MX2: variants seen among roughly 807,000 people sequenced by gnomAD.
MX2 encodes the protein MX dynamin like GTPase 2.
Under a neutral mutation model 74.0 loss-of-function variants are expected in MX2, and 51 were observed. The observed-to-expected ratio is 0.69, with a 90% CI of 0.55 to 0.87. The LOEUF is 0.87. Among genes scored for constraint, MX2 ranks in the 40% least tolerant of loss-of-function variants. MX2 has a pLI of 0.00. For synonymous variants in MX2, 369 were observed against 339.3 expected (o/e 1.09, Z -0.96); for missense variants, 832 against 908.7 (o/e 0.92, Z 1.09).
At position 41,376,822 on chromosome 21, in the gene MX2, T is replaced by C; in HGVS notation, c.-71-14T>C. 6.4e-7 allele frequency: 1 copy of C among 1,569,302 alleles called. No individual in the cohort carries two copies. The highest frequency in any genetic ancestry group is 8.6e-7 in the Non-Finnish European group (1 of 1,157,362). ...GGTGACCTGTGGGCCGCTCTCCCTC[T>C]TGTGTCTTTGCAGAGCTTGTCAGGA... On this transcript the variant is annotated splice_polypyrimidine_tract_variant and intron_variant, in intron 1 of 13. Coordinates refer to ENST00000330714, the MANE Select transcript of MX2 (RefSeq NM_002463.2).
chr21:41,377,697 C>G, intron 2 of MX2, 92 bp from the exon 3 acceptor site: 1 of 1,385,978 alleles, frequency 7.2e-7, no homozygotes, highest in Non-Finnish European at 9.9e-7. Context: ...CCCAACCTAA[C>G]ATCATAGCCG....
rs1272279995 is a variant in MX2 at position 41,363,163 on chromosome 21, C to T, written c.-72+1108C>T. On this transcript the variant is annotated intron_variant, in intron 1 of 13. Transcript: ENST00000330714. This position sits in a 1 kb window ranked among gnomAD's most constrained non-coding sequence, Gnocchi z 4.2. ...TCCAAGCTATCTTTCCTCGCACCCT[C>T]TCCTCCGTTTACTCTGCTCTACTTC... The T allele has an allele frequency of 6.6e-6, 1 of 152,306 alleles. No homozygotes were observed. The highest frequency in any genetic ancestry group is 2.4e-5 in the African/African-American group (1 of 41,438). The allele number at this position is 152,306 out of a possible 1,614,324, so 9.4% of individuals were successfully genotyped here. A position where few individuals can be genotyped will look rare whatever the true frequency, so the allele number is the denominator to read the frequency against.
chr21:41,382,084 T>C (rs1195132619), intron 4 of MX2, among the ~76,000 whole-genome samples: 1 of 152,212 alleles, frequency 6.6e-6, no homozygotes, highest in African/African-American at 2.4e-5. Context: ...TTTGTGGACA[T>C]ATTTTAAAAC....
chr21:41,405,219 A>T (rs2089869469), intron 12 of MX2, among the ~76,000 whole-genome samples: 1 of 151,980 alleles, frequency 6.6e-6, no homozygotes, highest in Non-Finnish European at 1.5e-5. Flanking sequence ...AGATTGTGCC[A>T]CTGCACTGCA....
chr21:41,379,326 G>A lies in MX2; in HGVS notation c.443-691G>A, dbSNP rs760624630. ...CTATAGGGCACGGGACAAAGGTCGC[G>A]GGTTCTCAGGGCTTCACGGCAGGAG... On this transcript the variant is annotated intron_variant, in intron 3 of 13. Coordinates refer to ENST00000330714, the MANE Select transcript of MX2 (RefSeq NM_002463.2). 2.8e-4 allele frequency among the ~76,000 whole-genome samples: 42 copies of A among 152,174 alleles called. 1 individual carries two copies. The highest frequency in any genetic ancestry group is 2.6e-3 in the Admixed American group (39 of 15,284).
At chr21:41,378,707 G>A (rs564086313) in intron 3 of MX2, among the ~76,000 whole-genome samples, 216 of 152,288 alleles carry the variant, frequency 1.4e-3, no homozygotes, top group Middle Eastern at 6.8e-3. Context: ...CCTCAGAGTG[G>A]GTACTGGAGA....
At position 41,399,347 on chromosome 21, in the gene MX2, G is replaced by C; in HGVS notation, c.1414+10G>C. On this transcript the variant is annotated intron_variant, in intron 10 of 13. Transcript: ENST00000330714. ...ACTAATACCCAAAAAGGTAAGTTCTGGGCAGGGCTCCCTGCAAAACAGGGT... is the reference window on the plus strand; with the variant it reads ...ACTAATACCCAAAAAGGTAAGTTCTCGGCAGGGCTCCCTGCAAAACAGGGT... 1 of 1,612,550 alleles carries C rather than the reference G, an allele frequency of 6.2e-7. No individual in the cohort carries two copies. Among genetic ancestry groups the C allele is most frequent in the Non-Finnish European group, 8.5e-7 (1 of 1,179,602 alleles).
At position 41,402,291 on chromosome 21, in the gene MX2, T is replaced by A; in HGVS notation, c.1573+163T>A. On this transcript the variant is annotated intron_variant, in intron 11 of 13. Transcript: ENST00000330714. This position sits in a 1 kb window ranked among gnomAD's most constrained non-coding sequence, Gnocchi z 4.5. ...TGTGTGGTCTGTGAGCCAGCAGCAC[T>A]GGCAAGGCCTGAGAGCTGGTCAGAG... 1 of 794,798 alleles carries A rather than the reference T, an allele frequency of 1.3e-6. No individual in the cohort carries two copies. Among genetic ancestry groups the A allele is most frequent in the Non-Finnish European group, 1.9e-6 (1 of 530,722 alleles). The allele number at this position is 794,798 out of a possible 1,614,324, so 49.2% of individuals were successfully genotyped here. A position where few individuals can be genotyped will look rare whatever the true frequency, so the allele number is the denominator to read the frequency against.
In MX2 at chr21:41,398,992, G is replaced by C; in HGVS notation, c.1245G>C (p.Glu415Asp). The C allele has an allele frequency of 6.2e-7, 1 of 1,613,848 alleles. No individual in the cohort carries two copies. The highest frequency in any genetic ancestry group is 8.5e-7 in the Non-Finnish European group (1 of 1,179,776). The part of the protein sequence containing the change: ...RRCGADIPSQ[E>D]ADKMFFLIEK... Reference sequence around the variant, plus strand: ...GCGGGGCTGACATCCCCAGCCAGGAGGCCGACAAGATGTTCTTTCTAATTG... The same window carrying C: ...GCGGGGCTGACATCCCCAGCCAGGACGCCGACAAGATGTTCTTTCTAATTG... Residue 415 changes from glutamate (E) to aspartate (D), a missense_variant, in exon 9 of 14, where the codon GAG becomes GAC. Physicochemically the swap from Glu to Asp is conservative, Grantham distance 45. Transcript: ENST00000330714.
intron 5 of MX2, among the ~76,000 whole-genome samples, chr21:41,383,103 A>G (rs564653085): frequency 3.3e-5 from 5 of 152,144 alleles, no homozygotes; most frequent in Non-Finnish European, 7.3e-5. Flanking sequence ...GCATGCCTGT[A>G]ATCCCAACAC....
intron 5 of MX2, among the ~76,000 whole-genome samples, chr21:41,387,911 G>A (rs1239977537): frequency 6.6e-6 from 1 of 152,128 alleles, no homozygotes; most frequent in Non-Finnish European, 1.5e-5. Context: ...CTCAGGCCAT[G>A]ACCACTGGGG....
intron 1 of MX2, chr21:41,373,111 G>A (rs2089346111): frequency 6.6e-6 from 1 of 152,182 alleles, no homozygotes; most frequent in Non-Finnish European, 1.5e-5. Context: ...TTTGACTGTT[G>A]CCTCCCCCAT....
intron 1 of MX2, among the ~76,000 whole-genome samples, chr21:41,374,417 G>T (rs1250107153): frequency 1.3e-5 from 2 of 152,238 alleles, no homozygotes; most frequent in African/African-American, 4.8e-5. Flanking sequence ...ACAGAGGCTT[G>T]TGCATGGCTT....
rs2089611793 is a variant in MX2 at position 41,388,465 on chromosome 21, G to T, written c.733-2100G>T. Reference sequence around the variant, plus strand: ...ATTCCTCGCGGGTTTCTGCTGCAAGGCTGCCCTACCTGGGCTGCCTTGCCT... The same window carrying T: ...ATTCCTCGCGGGTTTCTGCTGCAAGTCTGCCCTACCTGGGCTGCCTTGCCT... On this transcript the variant is annotated intron_variant, in intron 5 of 13. Coordinates refer to ENST00000330714, the MANE Select transcript of MX2 (RefSeq NM_002463.2). This position sits in a 1 kb window ranked among gnomAD's most constrained non-coding sequence, Gnocchi z 4.0. Among the ~76,000 whole-genome samples the T allele has an allele frequency of 6.6e-6, 1 of 152,186 alleles. No individual in the cohort carries two copies. Among genetic ancestry groups the T allele is most frequent in the Admixed American group, 6.5e-5 (1 of 15,282 alleles).
intron 1 of MX2, among the ~76,000 whole-genome samples, chr21:41,374,892 C>T (rs959975168): frequency 6.6e-6 from 1 of 152,308 alleles, no homozygotes; most frequent in African/African-American, 2.4e-5. Context: ...GTGCCCATCA[C>T]ACCACTCTCC....
chr21:41,377,595 T>G (rs2089422918), intron 2 of MX2, among the ~76,000 whole-genome samples, 194 bp from the exon 3 acceptor site: 2 of 152,144 alleles, frequency 1.3e-5, no homozygotes, highest in African/African-American at 4.8e-5. Flanking sequence ...CCTCCCAGCA[T>G]CTGCCCCTGT....
At chr21:41,403,116 C>A in intron 11 of MX2, 151 bp from the exon 12 acceptor site, 1 of 620,052 alleles carries the variant, frequency 1.6e-6, no homozygotes, top group East Asian at 2.9e-5. Flanking sequence ...CCCACCCTCT[C>A]CTATCGCGGT....
chr21:41,395,178 A>G lies in MX2; in HGVS notation c.872-409A>G, dbSNP rs554537274. Among the ~76,000 whole-genome samples the G allele has an allele frequency of 3.3e-5, 5 of 152,082 alleles. No homozygotes were observed. The South Asian group carries it at 1.0e-3, about 32-fold the overall frequency. ...GGGAGAGGAAAGTGGGAAGGAGGAGATCAGAGGAGGTGCCCACAAGAGGGA... is the reference window on the plus strand; with the variant it reads ...GGGAGAGGAAAGTGGGAAGGAGGAGGTCAGAGGAGGTGCCCACAAGAGGGA... On this transcript the variant is annotated intron_variant, in intron 6 of 13. Transcript: ENST00000330714.
chr21:41,395,312 C>A (rs931134814), intron 6 of MX2, among the ~76,000 whole-genome samples: 1 of 152,198 alleles, frequency 6.6e-6, no homozygotes, highest in African/African-American at 2.4e-5. Flanking sequence ...ACCATGCATG[C>A]TGCCTTAGTG....
Sources: allele counts gnomAD v4.1 joint callset (sites outside exome capture counted in the v4.1 genomes callset), GRCh38; gene constraint gnomAD v4.1.1; non-coding constraint Gnocchi (gnomAD v3.1); transcripts MANE v1.5; gene names NCBI Gene and HGNC (gene_info 2026-07-23, HGNC 2026-07-21).